Variants in ATRNL1 observed in about 807,000 individuals in gnomAD.
ATRNL1 encodes attractin like 1.
Under a neutral mutation model 182.7 loss-of-function variants are expected in ATRNL1, and 95 were observed. That is an observed-to-expected ratio of 0.52 (90% CI 0.44 to 0.62). The LOEUF (loss-of-function observed/expected upper bound fraction) is 0.62. ATRNL1 is among the 20% of genes least tolerant of loss of function. The pLI is 0.00. For missense variants in ATRNL1, 1,471 were observed against 1,679.5 expected (o/e 0.88, Z 2.17); for synonymous variants, 576 against 568.3 (o/e 1.01, Z -0.19).
intron 21 of ATRNL1, among the ~76,000 whole-genome samples, chr10:115,461,407 A>G (rs1227648693): frequency 6.6e-6 from 1 of 152,104 alleles, no homozygotes; most frequent in Non-Finnish European, 1.5e-5. Context: ...GATGTTTATC[A>G]TAGAATCATT....
intron 24 of ATRNL1, among the ~76,000 whole-genome samples, chr10:115,499,985 T>C (rs1849739526): frequency 1.3e-5 from 2 of 152,210 alleles, no homozygotes; most frequent in African/African-American, 4.8e-5. Flanking sequence ...GATGCTTTAT[T>C]CCTAGACAGG....
chr10:115,174,027 A>G (rs1307756601), intron 8 of ATRNL1, among the ~76,000 whole-genome samples: 2 of 148,732 alleles, frequency 1.3e-5, no homozygotes, highest in Non-Finnish European at 3.0e-5. Flanking sequence ...CCTTAACTTT[A>G]TTTTATTTTT....
intron 26 of ATRNL1, among the ~76,000 whole-genome samples, chr10:115,692,647 A>G (rs1946429755): frequency 6.6e-6 from 1 of 151,708 alleles, no homozygotes; most frequent in South Asian, 2.1e-4. Flanking sequence ...TTTTTAAAAA[A>G]TTTGAAATAA....
chr10:115,199,381 A>G (rs1176271170), intron 8 of ATRNL1, among the ~76,000 whole-genome samples: 7 of 152,078 alleles, frequency 4.6e-5, no homozygotes, highest in Non-Finnish European at 1.0e-4. Context: ...CCAGGCCAAC[A>G]TGGTGAAACC....
chr10:115,573,163 G>A (rs997465893), intron 26 of ATRNL1, among the ~76,000 whole-genome samples: 3 of 152,174 alleles, frequency 2.0e-5, no homozygotes, highest in Non-Finnish European at 4.4e-5. Context: ...CAAAGGGTGA[G>A]TGCAAGGTTT....
intron 26 of ATRNL1, among the ~76,000 whole-genome samples, chr10:115,705,200 C>T (rs143103204): frequency 0.012 from 1,866 of 151,974 alleles, 37 homozygotes; most frequent in African/African-American, 0.043. Context: ...TGACCTTGGC[C>T]ATCAGATTGC....
At position 115,185,514 on chromosome 10, in the gene ATRNL1, A is replaced by G. The variant is rs142440243; in HGVS notation, c.1348+14222A>G. On this transcript the variant is annotated intron_variant, in intron 8 of 28. Coordinates refer to ENST00000355044, the MANE Select transcript of ATRNL1 (RefSeq NM_207303.4). ...GAAATACATTAAAAACTATTGAAAA[A>G]ATAGGAATGCATAAGCTTACACTGA... is the stretch of plus-strand genomic sequence containing the variant. Among the ~76,000 whole-genome samples the G allele has an allele frequency of 6.6e-5, 10 of 152,218 alleles. No homozygotes were observed. In the East Asian group the frequency reaches 1.9e-3, roughly 29 times the overall value.
At chr10:115,610,086 T>C (rs1427869031) in intron 26 of ATRNL1, among the ~76,000 whole-genome samples, 1 of 152,238 alleles carries the variant, frequency 6.6e-6, no homozygotes, top group Non-Finnish European at 1.5e-5. Context: ...CTTTCAACTT[T>C]CTAAAACTTT....
chr10:115,611,245 G>T (rs1282592999), intron 26 of ATRNL1, among the ~76,000 whole-genome samples: 1 of 151,866 alleles, frequency 6.6e-6, no homozygotes, highest in South Asian at 2.1e-4. Flanking sequence ...AAATAATTTC[G>T]TATCTAATGT....
chr10:115,860,516 A>G (rs1192245452), intron 28 of ATRNL1, among the ~76,000 whole-genome samples: 2 of 151,950 alleles, frequency 1.3e-5, no homozygotes, highest in Admixed American at 1.3e-4. Flanking sequence ...TAATAGATAC[A>G]TAAAATAGAT....
At chr10:115,232,340 C>G (rs373486099) in intron 9 of ATRNL1, among the ~76,000 whole-genome samples, 1 of 152,016 alleles carries the variant, frequency 6.6e-6, no homozygotes, top group South Asian at 2.1e-4. Context: ...ATTTGCGTTT[C>G]CTTAATTGCT....
At chr10:115,184,177 TAAAA>T (rs1173922813) in intron 8 of ATRNL1, among the ~76,000 whole-genome samples, 1 of 151,530 alleles carries the variant, frequency 6.6e-6, no homozygotes, top group Non-Finnish European at 1.5e-5. Flanking sequence ...TCATTGGTAT[TAAAA>T]AAATCACATT....
chr10:115,747,153 C>G (rs1212788723), intron 27 of ATRNL1, among the ~76,000 whole-genome samples: 4 of 152,020 alleles, frequency 2.6e-5, no homozygotes, highest in African/African-American at 7.2e-5. Flanking sequence ...AGAAAAGAAA[C>G]AAAATACAGC....
intron 8 of ATRNL1, among the ~76,000 whole-genome samples, chr10:115,207,528 G>A (rs991615115): frequency 1.6e-4 from 24 of 151,842 alleles, no homozygotes; most frequent in African/African-American, 5.6e-4. Flanking sequence ...TCTCCTGTAG[G>A]GCAAATCTCT....
chr10:115,270,438 CTATAA>C (rs1225437060), intron 13 of ATRNL1, among the ~76,000 whole-genome samples: 15 of 142,442 alleles, frequency 1.1e-4, no homozygotes, highest in African/African-American at 3.6e-4. Context: ...TATATATAAT[CTATAA>C]TATATGTGTA....
At position 115,162,992 on chromosome 10, in the gene ATRNL1, G is replaced by A. The variant is rs188036368; in HGVS notation, c.1005-2566G>A. The stretch of plus-strand genomic sequence containing the variant: ...TTAGTGGAGGGGAGGGGTTAAAAGC[G>A]TGTCTAGAGTTAGTTTAAGAGAGAA... On this transcript the variant is annotated intron_variant, in intron 6 of 28. Coordinates refer to ENST00000355044, the MANE Select transcript of ATRNL1 (RefSeq NM_207303.4). Among the ~76,000 whole-genome samples, 82 of 151,504 alleles carry A rather than the reference G, an allele frequency of 5.4e-4. 3 individuals carry two copies. The South Asian group carries it at 0.014, about 25-fold the overall frequency.
intron 21 of ATRNL1, among the ~76,000 whole-genome samples, chr10:115,444,905 A>G (rs1194112444): frequency 6.6e-6 from 1 of 150,796 alleles, no homozygotes; most frequent in East Asian, 2.0e-4. Context: ...CTATTTTTGT[A>G]TTTTTAGTAG....
intron 17 of ATRNL1, among the ~76,000 whole-genome samples, chr10:115,314,708 A>G (rs1854205184): frequency 6.6e-6 from 1 of 152,244 alleles, no homozygotes; most frequent in South Asian, 2.1e-4. Flanking sequence ...AGCAATGGCT[A>G]TGTCTGTGGT....
intron 17 of ATRNL1, among the ~76,000 whole-genome samples, chr10:115,305,524 C>T (rs1199133379): frequency 6.6e-6 from 1 of 152,040 alleles, no homozygotes; most frequent in East Asian, 1.9e-4. Context: ...TTGTGCATAG[C>T]AAAACATTTC....
Sources: allele counts gnomAD v4.1 joint callset (sites outside exome capture counted in the v4.1 genomes callset), GRCh38; gene constraint gnomAD v4.1.1; transcripts MANE v1.5; gene names NCBI Gene and HGNC (gene_info 2026-07-23, HGNC 2026-07-21).